The following ANKRD12 variants were observed in gnomAD, a reference collection of about 807,000 sequenced individuals.
The protein encoded by ANKRD12 is ankyrin repeat domain-containing protein 12.
Under a neutral mutation model 183.4 loss-of-function variants are expected in ANKRD12, and 85 were observed. The ratio of observed to expected loss-of-function variants is 0.46; its 90% confidence interval spans 0.39 to 0.56. The LOEUF is 0.56. Among genes scored for constraint, ANKRD12 ranks in the 20% least tolerant of loss-of-function variants. The pLI is 0.00. For missense variants in ANKRD12, 2,405 were observed against 2,357.1 expected (o/e 1.02, Z -0.42); for synonymous variants, 914 against 800.2 (o/e 1.14, Z -2.40).
At chr18:9,237,314 T>G (rs1356771762) in intron 8 of ANKRD12, among the ~76,000 whole-genome samples, 7 of 152,206 alleles carry the variant, frequency 4.6e-5, no homozygotes, top group Admixed American at 3.3e-4. Flanking sequence ...GGTCAAAGAT[T>G]GATGGTCACT....
chr18:9,258,305 C>G lies in ANKRD12; in HGVS notation c.5038C>G (p.Leu1680Val). The stretch of plus-strand genomic sequence containing the variant: ...TTGTCCTGAAAGTGAAAAGTGTTTG[C>G]TTTCCATAGAAGATGAGGAATCTCA... ...KHCPESEKCLLSIEDEESQQS... is the reference protein window; with the variant it reads ...KHCPESEKCLVSIEDEESQQS... The change falls in exon 9 of 13, where the codon CTT becomes GTT. Residue 1680 changes from leucine (L) to valine (V), a missense_variant. This residue lies in a region of ANKRD12 where 1,983 missense variants were observed against 1,725.9 expected (regional missense o/e 1.15). Transcript: ENST00000262126. The G allele has an allele frequency of 1.2e-6, 2 of 1,613,678 alleles. 1 individual carries two copies. The highest frequency in any genetic ancestry group is 2.2e-5 in the South Asian group (2 of 91,072).
At chr18:9,214,478 A>G (rs748971412) in intron 6 of ANKRD12, among the ~76,000 whole-genome samples, 32 of 152,000 alleles carry the variant, frequency 2.1e-4, no homozygotes, top group African/African-American at 6.5e-4. Flanking sequence ...GACTGACACA[A>G]ATCATCTCCA....
chr18:9,222,073 A>G, intron 8 of ANKRD12, 74 bp downstream of exon 8: 1 of 1,531,920 alleles, frequency 6.5e-7, no homozygotes, highest in Non-Finnish European at 8.9e-7. Flanking sequence ...ATTCATTTGT[A>G]ATATACAAAA....
At chr18:9,231,241 T>A (rs1402040288) in intron 8 of ANKRD12, among the ~76,000 whole-genome samples, 1 of 152,166 alleles carries the variant, frequency 6.6e-6, no homozygotes, top group Non-Finnish European at 1.5e-5. Flanking sequence ...TTGGATAAAA[T>A]GTTCTGAAAG....
At chr18:9,252,240 G>A (rs541700863) in intron 8 of ANKRD12, among the ~76,000 whole-genome samples, 1 of 152,292 alleles carries the variant, frequency 6.6e-6, no homozygotes, top group African/African-American at 2.4e-5. Flanking sequence ...AAAAATTGGG[G>A]ACTGCTCAGG....
chr18:9,152,827 T>C (rs2078726498), intron 1 of ANKRD12, among the ~76,000 whole-genome samples: 1 of 152,190 alleles, frequency 6.6e-6, no homozygotes, highest in African/African-American at 2.4e-5. Flanking sequence ...TTTCTCACTT[T>C]CCTGTGGGCT....
At chr18:9,226,171 C>G (rs1018625091) in intron 8 of ANKRD12, among the ~76,000 whole-genome samples, 1 of 152,118 alleles carries the variant, frequency 6.6e-6, no homozygotes. Flanking sequence ...CGCCTGTAAT[C>G]CCAGGACTCT....
At chr18:9,242,048 TAC>T (rs35897302) in intron 8 of ANKRD12, among the ~76,000 whole-genome samples, 12 of 151,664 alleles carry the variant, frequency 7.9e-5, no homozygotes, top group Middle Eastern at 3.4e-3. Flanking sequence ...TGTATATATA[TAC>T]ACACACACAC....
In ANKRD12 at chr18:9,255,149, G is replaced by GATCATAGT; in HGVS notation, c.1883_1890dup (p.Pro631IlefsTer13). Reference sequence around the variant, plus strand: ...ATCAAATGCCAAAATAAAGGATGAAGATCATAGTCCAACATTTGAAAATTC... The same window carrying GATCATAGT: ...ATCAAATGCCAAAATAAAGGATGAAGATCATAGTATCATAGTCCAACATTTGAAAATTC... On this transcript the variant is annotated frameshift_variant, in exon 9 of 13. Transcript: ENST00000262126. LOFTEE classifies it high-confidence loss of function. 6.3e-7 allele frequency: 1 copy of GATCATAGT among 1,586,602 alleles called. No homozygotes were observed. Among genetic ancestry groups the GATCATAGT allele is most frequent in the South Asian group, 1.2e-5 (1 of 85,046 alleles).
At chr18:9,160,543 C>T (rs2031263271) in intron 1 of ANKRD12, among the ~76,000 whole-genome samples, 1 of 152,248 alleles carries the variant, frequency 6.6e-6, no homozygotes, top group African/African-American at 2.4e-5. Flanking sequence ...TAAGCAGTCA[C>T]TCCATATTTT....
At chr18:9,254,123 G>A (rs1418916961) in intron 8 of ANKRD12, 88 bp from the exon 9 acceptor site, 40 of 1,378,968 alleles carry the variant, frequency 2.9e-5, no homozygotes, top group Admixed American at 1.1e-4. Context: ...TATTGTATAA[G>A]CTATATCTTT....
chr18:9,186,942 G>T (rs571804382), intron 2 of ANKRD12, among the ~76,000 whole-genome samples: 1 of 151,680 alleles, frequency 6.6e-6, no homozygotes, highest in South Asian at 2.1e-4. Context: ...TAGTAGAGAC[G>T]GGGTTTCACC....
intron 1 of ANKRD12, among the ~76,000 whole-genome samples, chr18:9,177,642 T>C (rs2033380016): frequency 6.6e-6 from 1 of 152,134 alleles, no homozygotes; most frequent in Admixed American, 6.5e-5. Flanking sequence ...TTGTTGTTAA[T>C]TATAGTCACC....
At chr18:9,177,925 T>A (rs573672147) in intron 1 of ANKRD12, among the ~76,000 whole-genome samples, 1 of 152,356 alleles carries the variant, frequency 6.6e-6, no homozygotes, top group Non-Finnish European at 1.5e-5. Flanking sequence ...TTAAAATCTT[T>A]TACTCACTTT....
At chr18:9,261,393 G>T (rs573439572) in intron 9 of ANKRD12, among the ~76,000 whole-genome samples, 1 of 152,170 alleles carries the variant, frequency 6.6e-6, no homozygotes, top group Non-Finnish European at 1.5e-5. Context: ...TTCTAAGTGG[G>T]TACATTTATA....
In ANKRD12 at chr18:9,213,954, A is replaced by G. The variant is rs1331596945; in HGVS notation, c.652+2170A>G. Among the ~76,000 whole-genome samples, 11 of 152,014 alleles carry G rather than the reference A, an allele frequency of 7.2e-5. 1 individual carries two copies. The highest frequency in any genetic ancestry group is 5.2e-4 in the Admixed American group (8 of 15,264). ...AGTTTAAATGATTATTAAAAATTATATCAAGCTTATATTTATTGGAAAGCT... is the reference window on the plus strand; with the variant it reads ...AGTTTAAATGATTATTAAAAATTATGTCAAGCTTATATTTATTGGAAAGCT... On this transcript the variant is annotated intron_variant, in intron 6 of 12. Coordinates refer to ENST00000262126, the MANE Select transcript of ANKRD12 (RefSeq NM_015208.5).
chr18:9,192,709 C>CT (rs35102594), intron 2 of ANKRD12, among the ~76,000 whole-genome samples: 83,577 of 149,500 alleles, frequency 0.56, 24,237 homozygotes, highest in South Asian at 0.73. Context: ...TTTTTTCCTC[C>CT]TTTTTTTTTA....
intron 11 of ANKRD12, among the ~76,000 whole-genome samples, chr18:9,276,813 T>C (rs2145464761): frequency 1.3e-5 from 2 of 152,334 alleles, no homozygotes; most frequent in East Asian, 3.9e-4. Flanking sequence ...ATTGTGTCTC[T>C]TCAGAAAGAA....
chr18:9,234,850 G>A (rs960936053), intron 8 of ANKRD12, among the ~76,000 whole-genome samples: 1 of 152,164 alleles, frequency 6.6e-6, no homozygotes, highest in African/African-American at 2.4e-5. Flanking sequence ...CTCTCTTGTA[G>A]TTCAGATTGC....
Sources: gnomAD v4.1 joint callset for allele counts (sites outside exome capture counted in the v4.1 genomes callset) on GRCh38, gnomAD v4.1.1 for gene constraint, gnomAD v4.1.1 regional missense constraint, MANE v1.5 for transcripts, NCBI Gene and HGNC (gene_info 2026-07-23, HGNC 2026-07-21) for gene names.